Variants in SETX observed in about 807,000 individuals in gnomAD.
SETX encodes helicase senataxin.
Under a neutral mutation model 227.2 loss-of-function variants are expected in SETX, and 90 were observed. The ratio of observed to expected loss-of-function variants is 0.40; its 90% confidence interval spans 0.33 to 0.47. SETX has a LOEUF of 0.47. SETX is among the 20% of genes least tolerant of loss of function. The pLI, the probability that SETX is intolerant of heterozygous loss-of-function variation, is 0.91. For synonymous variants in SETX, 1,210 were observed against 1,113.2 expected (o/e 1.09, Z -1.73); for missense variants, 3,052 against 3,181.5 (o/e 0.96, Z 0.98).
intron 15 of SETX, among the ~76,000 whole-genome samples, chr9:132,291,272 T>TTC (rs1275616042): frequency 6.9e-6 from 1 of 145,728 alleles, no homozygotes; most frequent in Non-Finnish European, 1.5e-5. Flanking sequence ...GTTCACGCCA[T>TTC]TCTCCTGCCT....
Position 132,281,445 on chromosome 9 carries a change from A to T in SETX, c.6654+22T>A, listed in dbSNP as rs377544648. 1.2e-5 allele frequency: 19 copies of T among 1,560,336 alleles called. No individual in the cohort carries two copies. The East Asian group carries it at 3.8e-4, about 31-fold the overall frequency. On this transcript the variant is annotated intron_variant, in intron 20 of 25. Coordinates refer to ENST00000224140, the MANE Select transcript of SETX (RefSeq NM_015046.7). The stretch of plus-strand genomic sequence containing the variant: ...TAAAAAGCCCCTTCCATTTTAAAGC[A>T]ATCTGAACATAAAAAACTTACCATA...
Position 132,311,740 on chromosome 9 carries a change from C to A in SETX, c.5374+17G>T. On this transcript the variant is annotated intron_variant, in intron 11 of 25. Coordinates refer to ENST00000224140, the MANE Select transcript of SETX (RefSeq NM_015046.7). ...TTATTATATCATATATTCCAAGTTGCGTAAGAAAAAACTTACCTGCAAACT... is the reference window on the plus strand; with the variant it reads ...TTATTATATCATATATTCCAAGTTGAGTAAGAAAAAACTTACCTGCAAACT... 2.0e-6 allele frequency: 3 copies of A among 1,527,114 alleles called. No homozygotes were observed. The highest frequency in any genetic ancestry group is 2.7e-6 in the Non-Finnish European group (3 of 1,102,600). The allele number at this position is 1,527,114 out of a possible 1,614,324, so 94.6% of individuals were successfully genotyped here. A position where few individuals can be genotyped will look rare whatever the true frequency, so the allele number is the denominator to read the frequency against.
At chr9:132,337,937 T>G (rs1424047945) in intron 5 of SETX, among the ~76,000 whole-genome samples, 1 of 152,062 alleles carries the variant, frequency 6.6e-6, no homozygotes, top group East Asian at 1.9e-4. Context: ...AAAATTAACA[T>G]CACCATGAGT....
At chr9:132,330,659 T>TGCCACAATTATAC (rs1350186997) in intron 9 of SETX, among the ~76,000 whole-genome samples, 160 bp from the exon 10 acceptor site, 5 of 152,214 alleles carry the variant, frequency 3.3e-5, no homozygotes, top group Non-Finnish European at 2.9e-5. Context: ...TATAATTATA[T>TGCCACAATTATAC]CACAATCGTA....
intron 8 of SETX, 55 bp downstream of exon 8, chr9:132,331,222 G>A (rs1847215076): frequency 6.2e-7 from 1 of 1,608,964 alleles, no homozygotes; most frequent in African/African-American, 1.3e-5. Context: ...TAATCTAGCT[G>A]GAACACACTT....
rs1484973862 is a variant in SETX at position 132,264,984 on chromosome 9, TC to T, written c.7288del (p.Glu2430LysfsTer8). On this transcript the variant is annotated frameshift_variant and splice_region_variant, in exon 26 of 26. Transcript: ENST00000224140. LOFTEE classifies it low-confidence loss of function (END_TRUNC). ...FILGHLRTLM[E>X]NQHWNQLIQD... ...AATCAGCTGATTCCAATGCTGGTTT[TC>T]CTTGAAACAATGAGAAGGGAGAAAT... 1 of 1,613,428 alleles carries T rather than the reference TC, an allele frequency of 6.2e-7. No homozygotes were observed. The highest frequency in any genetic ancestry group is 1.1e-5 in the South Asian group (1 of 91,062).
chr9:132,334,208 G>T (rs137935435), intron 7 of SETX, among the ~76,000 whole-genome samples: 1,663 of 152,316 alleles, frequency 0.011, 16 homozygotes, highest in Non-Finnish European at 0.018. Context: ...CACTTTGGGA[G>T]GCCAAGGCAG....
chr9:132,346,386 T>C lies in SETX; in HGVS notation c.263A>G (p.Tyr88Cys), dbSNP rs149276791. Residue 88 changes from tyrosine to cysteine, a missense_variant, in exon 4 of 26, where the codon TAT becomes TGT. By Grantham distance (194) the Tyr-to-Cys change is radical (BLOSUM62 -2). Around this residue, in one of 10 missense-constraint regions of SETX, gnomAD observed 152 missense variants for 156.2 expected, o/e 0.97. Coordinates refer to ENST00000224140, the MANE Select transcript of SETX (RefSeq NM_015046.7). ...CATCTCTCCATTATTGTCTACTATATATAACTCATCATCATCTCCAATTTC... is the reference window on the plus strand; with the variant it reads ...CATCTCTCCATTATTGTCTACTATACATAACTCATCATCATCTCCAATTTC... ...KAEIGDDDELYIVDNNGEMPL... is the reference protein window; with the variant it reads ...KAEIGDDDELCIVDNNGEMPL... The C allele has an allele frequency of 5.9e-5, 96 of 1,613,692 alleles. No homozygotes were observed. In the Admixed American group the frequency reaches 1.6e-3, roughly 26 times the overall value.
rs766501657 is a variant in SETX, at chr9:132,329,079, T to C, written c.2519A>G (p.Asn840Ser). The change falls in exon 10 of 26, where the codon AAT (asparagine) becomes AGT (serine). Residue 840 changes from asparagine (N) to serine (S), a missense_variant. Coordinates refer to ENST00000224140, the MANE Select transcript of SETX (RefSeq NM_015046.7). ...GVQKGDGFIH[N>S]LSLDPSGVLD... ...AACACCACTAGGGTCTAAAGAAAGA[T>C]TGTGTATGAAACCATCTCCTTTCTG... 22 of 1,610,318 alleles carry C rather than the reference T, an allele frequency of 1.4e-5. No homozygotes were observed. The highest frequency in any genetic ancestry group is 4.5e-5 in the East Asian group (2 of 44,848).
intron 2 of SETX, among the ~76,000 whole-genome samples, chr9:132,353,110 C>A (rs1848685753): frequency 6.6e-6 from 1 of 152,186 alleles, no homozygotes; most frequent in Admixed American, 6.5e-5. Context: ...CCAAACTGGA[C>A]TTCGAAAGCA....
At chr9:132,294,892 G>A (rs1406197833) in intron 15 of SETX, among the ~76,000 whole-genome samples, 2 of 151,978 alleles carry the variant, frequency 1.3e-5, no homozygotes, top group Non-Finnish European at 2.9e-5. Context: ...CCCACCTCTG[G>A]GTTTTTGATT....
At chr9:132,296,560 C>CAA (rs1165033976) in intron 14 of SETX, among the ~76,000 whole-genome samples, 62 of 127,060 alleles carry the variant, frequency 4.9e-4, no homozygotes, top group African/African-American at 1.7e-3. Flanking sequence ...GACACTGTCT[C>CAA]AAAAAAAAAA....
chr9:132,329,260 T>C lies in SETX; in HGVS notation c.2338A>G (p.Thr780Ala), dbSNP rs1481664998. Residue 780 changes from threonine to alanine, a missense_variant, in exon 10 of 26, where the codon ACT (threonine) becomes GCT (alanine). Physicochemically the swap from Thr to Ala is moderately conservative, Grantham distance 58. Transcript: ENST00000224140. ...DALAKTSKRKTKVQKDEICAK... is the reference protein window; with the variant it reads ...DALAKTSKRKAKVQKDEICAK... ...CAGATTTCATCTTTCTGTACCTTAG[T>C]TTTTCGTTTTGAGGTTTTAGCAAGA... The C allele has an allele frequency of 3.5e-5, 56 of 1,613,898 alleles. No individual in the cohort carries two copies. Among genetic ancestry groups the C allele is most frequent in the Non-Finnish European group, 4.6e-5 (54 of 1,179,936 alleles).
chr9:132,292,526 A>G (rs1171741661), intron 15 of SETX, among the ~76,000 whole-genome samples: 2 of 151,986 alleles, frequency 1.3e-5, no homozygotes, highest in Non-Finnish European at 2.9e-5. Flanking sequence ...CAACAAATAA[A>G]GACAACAAAT....
intron 19 of SETX, among the ~76,000 whole-genome samples, chr9:132,282,582 G>A (rs1268661329): frequency 6.6e-6 from 1 of 152,084 alleles, no homozygotes; most frequent in Admixed American, 6.6e-5. Flanking sequence ...GCACCACCAT[G>A]CCCAGGCCCT....
At position 132,330,418 on chromosome 9, in the gene SETX, G is replaced by A; in HGVS notation, c.1180C>T (p.Gln394Ter). The change falls in exon 10 of 26, where the codon CAG becomes TAG. Residue 394 changes from glutamine (Q) to a stop codon, truncating the protein, a stop_gained. Transcript: ENST00000224140. LOFTEE classifies it high-confidence loss of function. ...CGCATGTCTTGACCAATATCTGACT[G>A]AAGTACACTGGCTAATGTTTCCATT... ...EEMETLASVL[Q>*]SDIGQDMRVH... 6.2e-7 allele frequency: 1 copy of A among 1,614,160 alleles called. No homozygotes were observed. The highest frequency in any genetic ancestry group is 8.5e-7 in the Non-Finnish European group (1 of 1,180,010).
chr9:132,346,911 T>G lies in SETX; in HGVS notation c.178-440A>C, dbSNP rs183863364. ...CTGAAGCTACAGTGAGCTATGATTGTGCCACTGTACTCCAGTCTGGATGAC... is the reference window on the plus strand; with the variant it reads ...CTGAAGCTACAGTGAGCTATGATTGGGCCACTGTACTCCAGTCTGGATGAC... On this transcript the variant is annotated intron_variant, in intron 3 of 25. Coordinates refer to ENST00000224140, the MANE Select transcript of SETX (RefSeq NM_015046.7). Among the ~76,000 whole-genome samples the G allele has an allele frequency of 1.4e-3, 207 of 152,074 alleles. 1 individual carries two copies. Among genetic ancestry groups the G allele is most frequent in the African/African-American group, 4.7e-3 (195 of 41,474 alleles).
intron 25 of SETX, chr9:132,265,996 T>A (rs1378016937): frequency 6.6e-6 from 1 of 152,134 alleles, no homozygotes; most frequent in Admixed American, 6.5e-5. Context: ...TTAAATCCCA[T>A]CGGGAAAGTT....
chr9:132,349,559 C>A (rs1589792291), intron 2 of SETX, 124 bp from the exon 3 acceptor site: 1 of 901,960 alleles, frequency 1.1e-6, no homozygotes, highest in East Asian at 2.6e-5. Flanking sequence ...AAACCCAAAT[C>A]TTCTGCTGGC....
Sources: allele counts gnomAD v4.1 joint callset (sites outside exome capture counted in the v4.1 genomes callset), GRCh38; gene constraint gnomAD v4.1.1; regional missense constraint gnomAD v4.1.1; transcripts MANE v1.5; gene names NCBI Gene and HGNC (gene_info 2026-07-23, HGNC 2026-07-21).